TNIK: variants seen among roughly 807,000 people sequenced by gnomAD.
TNIK encodes TRAF2 and NCK-interacting protein kinase.
A neutral mutation model predicts 191.3 loss-of-function variants in TNIK; 49 were observed. The ratio of observed to expected loss-of-function variants is 0.26; its 90% confidence interval spans 0.20 to 0.32. TNIK has a LOEUF of 0.32. TNIK is among the 10% of genes least tolerant of loss of function. The pLI is 1.00. For missense variants in TNIK, 1,155 were observed against 1,702.3 expected (o/e 0.68, Z 5.66); for synonymous variants, 594 against 600.9 (o/e 0.99, Z 0.17).
chr3:171,422,192 T>C (rs1163653476), intron 1 of TNIK, among the ~76,000 whole-genome samples: 2 of 152,160 alleles, frequency 1.3e-5, no homozygotes, highest in African/African-American at 4.8e-5. Flanking sequence ...GACTAAACCA[T>C]TGGATAGATC....
intron 1 of TNIK, among the ~76,000 whole-genome samples, chr3:171,429,600 A>C (rs1397614803): frequency 1.3e-5 from 2 of 152,204 alleles, no homozygotes; most frequent in Non-Finnish European, 2.9e-5. Flanking sequence ...ATCTTCAAAA[A>C]TCCAGCCCCT....
intron 2 of TNIK, among the ~76,000 whole-genome samples, chr3:171,258,121 G>A (rs1044079185): frequency 3.9e-5 from 6 of 152,100 alleles, no homozygotes; most frequent in Admixed American, 6.6e-5. Flanking sequence ...AATGAAAAGC[G>A]TATGTGTCAT....
At chr3:171,403,593 G>A (rs1247240661) in intron 1 of TNIK, among the ~76,000 whole-genome samples, 3 of 138,956 alleles carry the variant, frequency 2.2e-5, no homozygotes, top group Non-Finnish European at 3.0e-5. Context: ...CAACCTGGGC[G>A]ACAGTGAGAC....
chr3:171,087,518 C>A lies in TNIK; in HGVS notation c.2722-12G>T. 1 of 1,612,652 alleles carries A rather than the reference C, an allele frequency of 6.2e-7. No homozygotes were observed. The highest frequency in any genetic ancestry group is 8.5e-7 in the Non-Finnish European group (1 of 1,179,142). On this transcript the variant is annotated splice_polypyrimidine_tract_variant and intron_variant, in intron 23 of 32. Coordinates refer to ENST00000436636, the MANE Select transcript of TNIK (RefSeq NM_015028.4). ...TTCTCTCCAGACGTCTGAGGGAGCA[C>A]AGCACGTGGGAGGAGTTAGAGAGGG... is the stretch of plus-strand genomic sequence containing the variant.
Position 171,084,234 on chromosome 3 carries a change from A to G in TNIK, c.3090T>C (p.Ile1030=). The change falls in exon 26 of 33, where the codon ATT becomes ATC. Residue 1030 remains isoleucine (I), a synonymous_variant. Transcript: ENST00000436636. ...TTTCTGGTGTGTCGCTATGAGGCCG[A>G]ATGTTGGTTGGGTTTACATTTACCA... is the stretch of plus-strand genomic sequence containing the variant. ...ISVVNVNPTN[I]RPHSDTPEIR... The G allele has an allele frequency of 1.2e-6, 2 of 1,613,670 alleles. No homozygotes were observed. The highest frequency in any genetic ancestry group is 1.7e-6 in the Non-Finnish European group (2 of 1,179,812).
chr3:171,171,873 G>A (rs186790112), intron 9 of TNIK, among the ~76,000 whole-genome samples: 1 of 152,326 alleles, frequency 6.6e-6, no homozygotes, highest in East Asian at 1.9e-4. Context: ...TGGAGGTAGA[G>A]GGTGAGAGTA....
At chr3:171,411,038 A>T (rs1305868062) in intron 1 of TNIK, among the ~76,000 whole-genome samples, 2 of 150,998 alleles carry the variant, frequency 1.3e-5, no homozygotes, top group Non-Finnish European at 2.9e-5. Flanking sequence ...GCACATGTAG[A>T]TGTCCACTCC....
intron 6 of TNIK, among the ~76,000 whole-genome samples, chr3:171,189,473 T>TA (rs540805678): frequency 1.6e-3 from 239 of 152,098 alleles, no homozygotes; most frequent in Middle Eastern, 0.01. Context: ...AAATAGGTGT[T>TA]AAAAAAAAGT....
intron 29 of TNIK, among the ~76,000 whole-genome samples, chr3:171,069,419 G>A (rs541449467): frequency 1.5e-3 from 224 of 152,260 alleles, no homozygotes; most frequent in African/African-American, 5.1e-3. Flanking sequence ...AGCCTGGGAG[G>A]GACAGCCAAG....
intron 15 of TNIK, among the ~76,000 whole-genome samples, chr3:171,135,015 T>C (rs1233978831): frequency 2.0e-5 from 3 of 152,146 alleles, no homozygotes; most frequent in African/African-American, 7.2e-5. Flanking sequence ...GGTGATACCT[T>C]CAGTGGCACA....
intron 2 of TNIK, among the ~76,000 whole-genome samples, chr3:171,307,448 C>T (rs1753575083): frequency 6.6e-6 from 1 of 152,150 alleles, no homozygotes; most frequent in African/African-American, 2.4e-5. Flanking sequence ...GATTAATATG[C>T]ATTCTCTTCA....
chr3:171,171,639 A>G (rs1232485279), intron 9 of TNIK, among the ~76,000 whole-genome samples: 1 of 152,230 alleles, frequency 6.6e-6, no homozygotes, highest in Non-Finnish European at 1.5e-5. Context: ...CTTATACTTA[A>G]TGGAGCCATT....
At chr3:171,107,383 TC>T (rs779415183) in intron 20 of TNIK, among the ~76,000 whole-genome samples, 177 bp from the exon 21 acceptor site, 2 of 152,108 alleles carry the variant, frequency 1.3e-5, no homozygotes, top group Non-Finnish European at 2.9e-5. Flanking sequence ...TCGGTATACG[TC>T]GTTACTTTAA....
intron 2 of TNIK, among the ~76,000 whole-genome samples, chr3:171,239,685 TG>T (rs773442202): frequency 1.7e-3 from 253 of 152,384 alleles, no homozygotes; most frequent in Admixed American, 3.9e-3. Context: ...AGCAAAGACC[TG>T]CATATTACAA....
intron 2 of TNIK, among the ~76,000 whole-genome samples, chr3:171,267,537 G>A (rs960859748): frequency 2.3e-4 from 35 of 152,218 alleles, no homozygotes; most frequent in African/African-American, 8.4e-4. Context: ...CATGGGAAAT[G>A]GACGTGAGTT....
At chr3:171,155,626 T>A (rs990144275) in intron 12 of TNIK, among the ~76,000 whole-genome samples, 3 of 152,156 alleles carry the variant, frequency 2.0e-5, no homozygotes, top group Non-Finnish European at 4.4e-5. Flanking sequence ...TGGTAGAGGT[T>A]CAAGCAAATG....
chr3:171,141,092 G>C (rs1369436026), intron 12 of TNIK, among the ~76,000 whole-genome samples: 1 of 152,110 alleles, frequency 6.6e-6, no homozygotes, highest in Admixed American at 6.5e-5. Context: ...TCAATTTCAA[G>C]TTCTTGCTCG....
At chr3:171,435,380 G>T (rs1010569681) in intron 1 of TNIK, among the ~76,000 whole-genome samples, 1 of 152,150 alleles carries the variant, frequency 6.6e-6, no homozygotes, top group Non-Finnish European at 1.5e-5. Context: ...ATGTGGAAAG[G>T]TAAACACCAA....
chr3:171,258,190 T>C (rs765538058), intron 2 of TNIK, among the ~76,000 whole-genome samples: 1 of 152,132 alleles, frequency 6.6e-6, no homozygotes, highest in Non-Finnish European at 1.5e-5. Flanking sequence ...TGGCCATAAC[T>C]CCTAATATCT....
Sources: gnomAD v4.1 joint callset for allele counts (sites outside exome capture counted in the v4.1 genomes callset) on GRCh38, gnomAD v4.1.1 for gene constraint, MANE v1.5 for transcripts, NCBI Gene and HGNC (gene_info 2026-07-23, HGNC 2026-07-21) for gene names.